CALN1: variants seen among roughly 807,000 people sequenced by gnomAD.
CALN1 encodes the protein calneuron 1.
In CALN1, 17 loss-of-function variants were observed where a neutral mutation model predicts 30.6. That is an observed-to-expected ratio of 0.56 (90% confidence interval 0.38 to 0.83). The LOEUF (loss-of-function observed/expected upper bound fraction) is 0.83. CALN1 is among the 40% of genes least tolerant of loss of function. The probability of loss-of-function intolerance (pLI) is 0.00; values close to 1 mark genes in which losing one functional copy is unlikely to be tolerated. For missense variants in CALN1, 291 were observed against 354.9 expected (o/e 0.82, Z 1.45); for synonymous variants, 156 against 131.4 (o/e 1.19, Z -1.28).
chr7:71,864,335 A>C (rs554328567), intron 5 of CALN1, among the ~76,000 whole-genome samples: 7 of 152,284 alleles, frequency 4.6e-5, no homozygotes, highest in African/African-American at 1.7e-4. Context: ...AAGTCTGTGA[A>C]CCAGGCTCTG....
At chr7:72,303,021 C>T (rs1356246904) in intron 2 of CALN1, among the ~76,000 whole-genome samples, 4 of 148,320 alleles carry the variant, frequency 2.7e-5, no homozygotes, top group Non-Finnish European at 5.9e-5. Flanking sequence ...TTCAAGGATA[C>T]AGTGAGCTAT....
At chr7:71,801,335 C>T (rs1413871633) in intron 6 of CALN1, among the ~76,000 whole-genome samples, 1 of 152,034 alleles carries the variant, frequency 6.6e-6, no homozygotes, top group Admixed American at 6.6e-5. Context: ...ACCTGAGCCT[C>T]CTGAGTAGCT....
intron 2 of CALN1, among the ~76,000 whole-genome samples, chr7:72,300,047 AT>A (rs1036415957): frequency 6.6e-6 from 1 of 150,564 alleles, no homozygotes; most frequent in Non-Finnish European, 1.5e-5. Context: ...TGCCCAGCTA[AT>A]TTTTTGTATT....
chr7:72,479,748 G>A, the CALN1 span, among the ~76,000 whole-genome samples: 7 of 151,844 alleles, frequency 4.6e-5, no homozygotes, highest in Admixed American at 2.6e-4. Context: ...ATGGGGTTTC[G>A]TCATGTTGGC....
chr7:72,136,989 G>C lies in CALN1; in HGVS notation c.245-30695C>G, dbSNP rs1340572024. On this transcript the variant is annotated intron_variant, in intron 3 of 6. Coordinates refer to ENST00000395275, the MANE Select transcript of CALN1 (RefSeq NM_031468.4). ...AAAGAGGAAAGAAACATGAAATGTG[G>C]CTCAACAGTTAAGGACAGGTTTATT... 3.3e-5 allele frequency among the ~76,000 whole-genome samples: 5 copies of C among 152,318 alleles called. No homozygotes were observed. In the East Asian group the frequency reaches 9.6e-4, roughly 29 times the overall value.
chr7:72,169,488 T>G (rs1209637823), intron 3 of CALN1, among the ~76,000 whole-genome samples: 1 of 74,864 alleles, frequency 1.3e-5, no homozygotes, highest in Non-Finnish European at 2.5e-5. Context: ...CCCAGCTGAT[T>G]ATTTTTTTTT....
chr7:71,883,317 G>A (rs1322321112), intron 5 of CALN1, among the ~76,000 whole-genome samples: 1 of 152,146 alleles, frequency 6.6e-6, no homozygotes, highest in Non-Finnish European at 1.5e-5. Context: ...GGAAGGCCTA[G>A]ATGGGAGGAT....
At chr7:71,908,241 C>G (rs17425888) in intron 5 of CALN1, among the ~76,000 whole-genome samples, 25,409 of 152,066 alleles carry the variant, frequency 0.17, 2,444 homozygotes, top group Non-Finnish European at 0.22. Flanking sequence ...CCTCATCTCC[C>G]AAAAATCTGA....
At chr7:72,407,152 C>T (rs1806753693) in intron 1 of CALN1, among the ~76,000 whole-genome samples, 2 of 152,198 alleles carry the variant, frequency 1.3e-5, no homozygotes, top group Non-Finnish European at 2.9e-5. Flanking sequence ...CATCACTAAT[C>T]AAATTAGACC....
At chr7:71,965,208 C>T (rs1292658302) in intron 5 of CALN1, among the ~76,000 whole-genome samples, 1 of 151,968 alleles carries the variant, frequency 6.6e-6, no homozygotes, top group Non-Finnish European at 1.5e-5. Context: ...TTTTATTATT[C>T]TTTATAGAAA....
chr7:72,155,512 G>A (rs1219093700), intron 3 of CALN1, among the ~76,000 whole-genome samples: 1 of 151,394 alleles, frequency 6.6e-6, no homozygotes, highest in African/African-American at 2.4e-5. Flanking sequence ...AAAAGAGAGA[G>A]AGAAAAAGAA....
At chr7:72,341,580 A>T (rs1193811579) in intron 2 of CALN1, among the ~76,000 whole-genome samples, 1 of 152,182 alleles carries the variant, frequency 6.6e-6, no homozygotes, top group African/African-American at 2.4e-5. Context: ...AGATACACAC[A>T]TGAAGTTCCT....
At chr7:72,277,031 T>G (rs1161805404) in intron 3 of CALN1, among the ~76,000 whole-genome samples, 1 of 151,842 alleles carries the variant, frequency 6.6e-6, no homozygotes, top group Non-Finnish European at 1.5e-5. Flanking sequence ...CCTCCTGAAC[T>G]GTGCGAAATA....
chr7:72,277,102 C>G (rs1474048644), intron 3 of CALN1, among the ~76,000 whole-genome samples: 2 of 151,226 alleles, frequency 1.3e-5, no homozygotes, highest in South Asian at 2.1e-4. Flanking sequence ...CCTGAACAGA[C>G]CAAGACGCCA....
intron 1 of CALN1, among the ~76,000 whole-genome samples, chr7:72,408,675 C>CTTTTTTTTTTTTTTTTT (rs534883618): frequency 3.8e-5 from 3 of 77,966 alleles, no homozygotes; most frequent in Non-Finnish European, 4.5e-5. Context: ...TTATCTTTTC[C>CTTTTTTTTTTTTTTTTT]TTTTTTTTTT....
At chr7:71,867,322 A>G (rs907909906) in intron 5 of CALN1, among the ~76,000 whole-genome samples, 1 of 152,140 alleles carries the variant, frequency 6.6e-6, no homozygotes, top group African/African-American at 2.4e-5. Context: ...ATACATCAAA[A>G]TGTCCTTAGG....
intron 6 of CALN1, among the ~76,000 whole-genome samples, chr7:71,798,229 C>T (rs181835014): frequency 6.6e-6 from 1 of 151,572 alleles, no homozygotes; most frequent in Non-Finnish European, 1.5e-5. Flanking sequence ...CACTTGACTT[C>T]CCCCATTATT....
At chr7:71,909,212 T>A (rs1030190714) in intron 5 of CALN1, among the ~76,000 whole-genome samples, 1 of 152,196 alleles carries the variant, frequency 6.6e-6, no homozygotes, top group Non-Finnish European at 1.5e-5. Flanking sequence ...AGGGTCTTGC[T>A]GTGTTGCCCA....
At chr7:72,334,073 G>T (rs1472015789) in intron 2 of CALN1, among the ~76,000 whole-genome samples, 5 of 152,196 alleles carry the variant, frequency 3.3e-5, no homozygotes, top group Non-Finnish European at 7.3e-5. Flanking sequence ...CAGGAAAAGT[G>T]ATTTCACTTC....
Sources: allele counts gnomAD v4.1 joint callset (sites outside exome capture counted in the v4.1 genomes callset), GRCh38; gene constraint gnomAD v4.1.1; transcripts MANE v1.5; gene names NCBI Gene and HGNC (gene_info 2026-07-23, HGNC 2026-07-21).